The following CIB4 variants were observed in gnomAD, a reference collection of about 807,000 sequenced individuals.
The protein encoded by CIB4 is calcium and integrin binding family member 4, also known as calcium and integrin-binding family member 4.
CIB4 carries 25 observed loss-of-function variants against 25.8 expected under a neutral mutation model. The ratio of observed to expected loss-of-function variants is 0.97; its 90% confidence interval spans 0.71 to 1.35. CIB4 has a LOEUF of 1.35. Among genes scored for constraint, CIB4 ranks in the 40% most tolerant of loss-of-function variants. The pLI is 0.00. For synonymous variants in CIB4, 75 were observed against 81.4 expected (o/e 0.92, Z 0.42); for missense variants, 235 against 228.2 (o/e 1.03, Z -0.19).
chr2:26,593,460 C>T (rs1301047201), intron 4 of CIB4, among the ~76,000 whole-genome samples: 20 of 146,938 alleles, frequency 1.4e-4, no homozygotes, highest in African/African-American at 5.2e-4. Flanking sequence ...CATACACTCA[C>T]ATACATATAC....
chr2:26,582,783 AC>A (rs760728601), intron 6 of CIB4, 41 bp downstream of exon 6: 2 of 1,292,536 alleles, frequency 1.5e-6, no homozygotes, highest in South Asian at 2.4e-5. Context: ...TCCTGCCCCC[AC>A]CACTCTCCTG....
intron 4 of CIB4, among the ~76,000 whole-genome samples, chr2:26,589,687 T>G (rs1298580253): frequency 1.3e-5 from 2 of 152,184 alleles, no homozygotes; most frequent in Non-Finnish European, 2.9e-5. Flanking sequence ...CAGTTTCTTT[T>G]CAGGATGACA....
intron 3 of CIB4, among the ~76,000 whole-genome samples, chr2:26,606,038 G>C (rs912777515): frequency 3.9e-5 from 6 of 152,226 alleles, no homozygotes; most frequent in Admixed American, 3.9e-4. Context: ...CAAGGGCAGG[G>C]GGGAGGCGCG....
At chr2:26,638,735 T>C (rs570650630) in intron 2 of CIB4, among the ~76,000 whole-genome samples, 7 of 152,262 alleles carry the variant, frequency 4.6e-5, no homozygotes, top group African/African-American at 1.7e-4. Context: ...GGAGGATCAC[T>C]GGAGGTCAGG....
At position 26,595,301 on chromosome 2, in the gene CIB4, T is replaced by C. The variant is rs1668661730; in HGVS notation, c.203A>G (p.Asp68Gly). ...LPALRVNPFR[D>G]RICRVFSHKG... ...GTGGGAGAACACTCTGCAGATACGG[T>C]CTCTGAAAGGGTTGACCTGTGGGCG... is the stretch of plus-strand genomic sequence containing the variant. The change falls in exon 4 of 7, where the codon GAC (aspartate) becomes GGC (glycine). Residue 68 changes from aspartate to glycine, a missense_variant. Asp to Gly is a moderately conservative substitution (Grantham distance 94). Transcript: ENST00000288861. 1.2e-6 allele frequency: 2 copies of C among 1,613,646 alleles called. No individual in the cohort carries two copies. Among genetic ancestry groups the C allele is most frequent in the South Asian group, 1.1e-5 (1 of 91,056 alleles).
intron 4 of CIB4, among the ~76,000 whole-genome samples, chr2:26,588,540 C>G (rs934516259): frequency 6.6e-6 from 1 of 152,222 alleles, no homozygotes; most frequent in East Asian, 1.9e-4. Context: ...AAGACTCTGA[C>G]CATTGTCACT....
chr2:26,593,264 T>C (rs1668617678), intron 4 of CIB4, among the ~76,000 whole-genome samples: 1 of 152,126 alleles, frequency 6.6e-6, no homozygotes, highest in South Asian at 2.1e-4. Flanking sequence ...AGCCAGTTCC[T>C]AGAATAAATC....
intron 3 of CIB4, among the ~76,000 whole-genome samples, chr2:26,614,347 C>A (rs549127698): frequency 1.3e-5 from 2 of 152,248 alleles, no homozygotes; most frequent in Admixed American, 1.3e-4. Flanking sequence ...ATGAGCATGT[C>A]CCCAGGCCCA....
At chr2:26,635,211 G>A (rs1163150901) in intron 2 of CIB4, among the ~76,000 whole-genome samples, 1 of 152,242 alleles carries the variant, frequency 6.6e-6, no homozygotes, top group East Asian at 1.9e-4. Context: ...TGGAAACTTA[G>A]AGTGAACAGA....
chr2:26,629,244 G>A (rs1669367674), intron 3 of CIB4, among the ~76,000 whole-genome samples, 166 bp downstream of exon 3: 1 of 152,176 alleles, frequency 6.6e-6, no homozygotes, highest in Non-Finnish European at 1.5e-5. Context: ...GTGTTTGGGA[G>A]CCATGTCCTT....
intron 3 of CIB4, among the ~76,000 whole-genome samples, chr2:26,615,686 T>G (rs1303483585): frequency 6.6e-6 from 1 of 152,022 alleles, no homozygotes; most frequent in African/African-American, 2.4e-5. Flanking sequence ...CTGAGAAGGG[T>G]GGTGCCAAGC....
chr2:26,618,141 T>G (rs1669130518), intron 3 of CIB4, among the ~76,000 whole-genome samples: 1 of 152,162 alleles, frequency 6.6e-6, no homozygotes, highest in Non-Finnish European at 1.5e-5. Flanking sequence ...GTCCAGGCCC[T>G]GCCTCCCTCC....
intron 4 of CIB4, among the ~76,000 whole-genome samples, chr2:26,588,239 A>G (rs932471457): frequency 6.6e-6 from 1 of 152,266 alleles, no homozygotes; most frequent in South Asian, 2.1e-4. Context: ...CAGCTCTTCT[A>G]TGCAGAGACT....
chr2:26,584,383 G>A (rs1254599089), intron 4 of CIB4, among the ~76,000 whole-genome samples: 1 of 152,072 alleles, frequency 6.6e-6, no homozygotes, highest in Non-Finnish European at 1.5e-5. Flanking sequence ...GCAGAGGGTG[G>A]CCTGGATCTG....
chr2:26,613,845 C>T (rs1669042431), intron 3 of CIB4, among the ~76,000 whole-genome samples: 1 of 152,214 alleles, frequency 6.6e-6, no homozygotes, highest in African/African-American at 2.4e-5. Context: ...CGGGCCTGTG[C>T]GGGGCCTGTC....
rs951208609 is a variant in CIB4 at position 26,587,337 on chromosome 2, A to G, written c.329-3439T>C. On this transcript the variant is annotated intron_variant, in intron 4 of 6. Coordinates refer to ENST00000288861, the MANE Select transcript of CIB4 (RefSeq NM_001029881.3). ...AAAAAAAAAAAAAAAAAGAACCACT[A>G]TGGGTAACTATCTCTTGACTTCTAC... Among the ~76,000 whole-genome samples the G allele has an allele frequency of 1.6e-4, 22 of 139,504 alleles. 1 individual carries two copies. The East Asian group carries it at 4.5e-3, about 29-fold the overall frequency. 91.5% of individuals were successfully genotyped at this position (139,504 alleles called of 152,430 possible).
intron 3 of CIB4, among the ~76,000 whole-genome samples, chr2:26,616,893 C>A (rs769358877): frequency 3.9e-5 from 6 of 152,234 alleles, no homozygotes; most frequent in Non-Finnish European, 8.8e-5. Flanking sequence ...GGGGGAAGGG[C>A]AGGGCCTCTT....
chr2:26,632,382 T>C (rs1219075368), intron 2 of CIB4, among the ~76,000 whole-genome samples: 3 of 152,238 alleles, frequency 2.0e-5, no homozygotes, highest in Non-Finnish European at 4.4e-5. Flanking sequence ...TCCAGGAAAG[T>C]ACTGGGGTGG....
At chr2:26,640,866 C>T (rs1051610637) in intron 1 of CIB4, among the ~76,000 whole-genome samples, 1 of 152,102 alleles carries the variant, frequency 6.6e-6, no homozygotes, top group Non-Finnish European at 1.5e-5. Flanking sequence ...GGAAGGTAAC[C>T]TTAGAGATCT....
Sources: allele counts gnomAD v4.1 joint callset (sites outside exome capture counted in the v4.1 genomes callset), GRCh38; gene constraint gnomAD v4.1.1; transcripts MANE v1.5; gene names NCBI Gene and HGNC (gene_info 2026-07-23, HGNC 2026-07-21).